The following DNAH3 variants were observed in gnomAD, a reference collection of about 807,000 sequenced individuals.
DNAH3 encodes the protein axonemal beta dynein heavy chain 3.
In DNAH3, 332 loss-of-function variants were observed where a neutral mutation model predicts 432.5. That is an observed-to-expected ratio of 0.77 (90% CI 0.70 to 0.84). DNAH3 has a LOEUF of 0.84. Ranked by LOEUF, DNAH3 falls within the 40% of genes least tolerant of loss-of-function variation. DNAH3 has a pLI of 0.00. For synonymous variants in DNAH3, 1,956 were observed against 1,900.2 expected (o/e 1.03, Z -0.76); for missense variants, 4,861 against 5,114.0 (o/e 0.95, Z 1.51).
chr16:21,018,254 T>G (rs960553184), intron 41 of DNAH3, among the ~76,000 whole-genome samples: 1 of 152,226 alleles, frequency 6.6e-6, no homozygotes, highest in Non-Finnish European at 1.5e-5. Context: ...CCTTGATACA[T>G]GTTTTTTTAC....
At chr16:21,062,783 C>T (rs2090408471) in intron 24 of DNAH3, 100 bp from the exon 25 acceptor site, 4 of 841,510 alleles carry the variant, frequency 4.8e-6, no homozygotes, top group Admixed American at 2.6e-5. Flanking sequence ...TACGTGAATA[C>T]CAGTTATGTC....
intron 16 of DNAH3, among the ~76,000 whole-genome samples, chr16:21,099,711 A>G (rs922231772): frequency 6.6e-6 from 1 of 152,218 alleles, no homozygotes; most frequent in African/African-American, 2.4e-5. Context: ...AATAAGAACA[A>G]CAATAACAAA....
At chr16:21,078,078 C>A (rs968646678) in intron 20 of DNAH3, among the ~76,000 whole-genome samples, 1 of 152,050 alleles carries the variant, frequency 6.6e-6, no homozygotes, top group Non-Finnish European at 1.5e-5. Context: ...GAGTTCGAGA[C>A]CAGCCTGACC....
At chr16:21,103,360 G>GGC (rs1555558946) in intron 16 of DNAH3, among the ~76,000 whole-genome samples, 1 of 149,876 alleles carries the variant, frequency 6.7e-6, no homozygotes, top group Non-Finnish European at 1.5e-5. Flanking sequence ...TGTGTGGGGG[G>GGC]GGGCAGGGTG....
At chr16:20,990,177 G>A (rs1278750110) in intron 44 of DNAH3, among the ~76,000 whole-genome samples, 1 of 152,236 alleles carries the variant, frequency 6.6e-6, no homozygotes, top group African/African-American at 2.4e-5. Context: ...CCAGGGCTGT[G>A]AGGACTTGCC....
intron 48 of DNAH3, among the ~76,000 whole-genome samples, chr16:20,983,554 CTG>C (rs955109169): frequency 1.4e-4 from 22 of 152,082 alleles, no homozygotes; most frequent in African/African-American, 4.6e-4. Flanking sequence ...GAGCCATACA[CTG>C]TTATTTATAG....
At chr16:21,077,329 ATTTTTGTAT>A (rs902263073) in intron 20 of DNAH3, among the ~76,000 whole-genome samples, 18 of 151,824 alleles carry the variant, frequency 1.2e-4, no homozygotes, top group African/African-American at 3.4e-4. Context: ...CACCTGGCTA[ATTTTTGTAT>A]TTTTAGTAGA....
intron 41 of DNAH3, among the ~76,000 whole-genome samples, chr16:21,004,407 T>C (rs1357213686): frequency 6.6e-6 from 1 of 152,056 alleles, no homozygotes; most frequent in Non-Finnish European, 1.5e-5. Flanking sequence ...CTCACTCTGT[T>C]GCCAGGCTGG....
At chr16:21,048,723 A>T (rs1365579834) in intron 31 of DNAH3, among the ~76,000 whole-genome samples, 1 of 150,556 alleles carries the variant, frequency 6.6e-6, no homozygotes, top group Admixed American at 6.6e-5. Context: ...TTTTTTAAAC[A>T]GAGTTTCACT....
chr16:20,967,442 A>G (rs998240054), intron 52 of DNAH3, among the ~76,000 whole-genome samples: 1 of 149,318 alleles, frequency 6.7e-6, no homozygotes, highest in Non-Finnish European at 1.5e-5. Context: ...CTCAGGCTGC[A>G]TCCCAGACCA....
exon 31 of DNAH3, chr16:21,049,596 C>T (rs546341139): frequency 1.5e-5 from 25 of 1,614,132 alleles, no homozygotes; most frequent in South Asian, 7.7e-5. Flanking sequence ...CATCAAAGCA[C>T]GCCCATGCTC....
chr16:21,068,563 C>T (rs995166126), intron 23 of DNAH3, among the ~76,000 whole-genome samples: 1 of 152,192 alleles, frequency 6.6e-6, no homozygotes, highest in Non-Finnish European at 1.5e-5. Flanking sequence ...AATCCGCCTG[C>T]CTTGGCCTCC....
At chr16:21,024,093 C>CT (rs2088409222) in intron 39 of DNAH3, among the ~76,000 whole-genome samples, 1 of 152,084 alleles carries the variant, frequency 6.6e-6, no homozygotes, top group African/African-American at 2.4e-5. Flanking sequence ...TTTCCCACCT[C>CT]TTTAGAGAAG....
At chr16:20,966,163 G>A (rs544327861) in intron 52 of DNAH3, among the ~76,000 whole-genome samples, 8 of 148,506 alleles carry the variant, frequency 5.4e-5, no homozygotes, top group Non-Finnish European at 8.9e-5. Context: ...TCAGCCTCCC[G>A]AGCAGCTGGG....
At chr16:20,954,145 C>A (rs982465494) in intron 55 of DNAH3, among the ~76,000 whole-genome samples, 2 of 149,642 alleles carry the variant, frequency 1.3e-5, no homozygotes, top group Admixed American at 1.3e-4. Flanking sequence ...ATCGCTTGAA[C>A]CTGAGAGGTG....
At chr16:21,091,580 G>T (rs921944674) in intron 18 of DNAH3, among the ~76,000 whole-genome samples, 3 of 152,164 alleles carry the variant, frequency 2.0e-5, no homozygotes, top group Admixed American at 6.5e-5. Context: ...CACTTTGGGA[G>T]GCCAAGGCAG....
At chr16:21,073,938 T>C (rs2090885022) in intron 21 of DNAH3, among the ~76,000 whole-genome samples, 1 of 152,206 alleles carries the variant, frequency 6.6e-6, no homozygotes, top group South Asian at 2.1e-4. Flanking sequence ...TCAATTTCAT[T>C]TCCATACAGC....
exon 43 of DNAH3, chr16:21,000,253 G>T: frequency 6.2e-7 from 1 of 1,613,964 alleles, no homozygotes; most frequent in Non-Finnish European, 8.5e-7. Context: ...CTTCCCTATG[G>T]GAGGCCCGAA....
At position 21,051,961 on chromosome 16, in the gene DNAH3, TC is replaced by T. The variant is rs1430004965; in HGVS notation, c.4040-94del. The T allele has an allele frequency of 2.4e-4, 231 of 950,840 alleles. No individual in the cohort carries two copies. The East Asian group carries it at 5.6e-3, about 23-fold the overall frequency. The allele number at this position is 950,840 out of a possible 1,614,324, so 58.9% of individuals were successfully genotyped here. A position where few individuals can be genotyped will look rare whatever the true frequency, so the allele number is the denominator to read the frequency against. ...CAGTTACAAGTGGATGTTATCAAGG[TC>T]CCCCATTCTCCAAACTATTTTATTT... On this transcript the variant is annotated intron_variant, in intron 28 of 61. Transcript: ENST00000261383.
Sources: allele counts gnomAD v4.1 joint callset (sites outside exome capture counted in the v4.1 genomes callset), GRCh38; gene constraint gnomAD v4.1.1; transcripts MANE v1.5; gene names NCBI Gene and HGNC (gene_info 2026-07-23, HGNC 2026-07-21).